Variants in GOLGA6L9 observed in about 807,000 individuals in gnomAD.
GOLGA6L9 encodes the protein golgin A6 family like 9.
Under a neutral mutation model 51.3 loss-of-function variants are expected in GOLGA6L9, and 19 were observed. The observed-to-expected ratio is 0.37, with a 90% confidence interval of 0.26 to 0.54. The LOEUF is 0.54. GOLGA6L9 is among the 20% of genes least tolerant of loss of function. The pLI, the probability that GOLGA6L9 is intolerant of heterozygous loss-of-function variation, is 0.83. For synonymous variants in GOLGA6L9, 97 were observed against 184.2 expected (o/e 0.53, Z 3.83); for missense variants, 247 against 464.1 (o/e 0.53, Z 4.30).
At chr15:82,417,409 TCG>T in the GOLGA6L9 span, among the ~76,000 whole-genome samples, 1 of 152,196 alleles carries the variant, frequency 6.6e-6, no homozygotes, top group African/African-American at 2.4e-5. Context: ...AGTAGTAGAG[TCG>T]ACCACTTTTA....
chr15:82,418,335 G>A, the GOLGA6L9 span, among the ~76,000 whole-genome samples: 1 of 152,166 alleles, frequency 6.6e-6, no homozygotes, highest in African/African-American at 2.4e-5. Context: ...GTAGGAAGCA[G>A]AAGGAATCTC....
chr15:82,424,303 C>A, the GOLGA6L9 span, among the ~76,000 whole-genome samples: 1 of 151,922 alleles, frequency 6.6e-6, no homozygotes, highest in African/African-American at 2.4e-5. Context: ...AACTACTGAT[C>A]TGAGGTGATC....
chr15:82,436,392 T>TAA lies in GOLGA6L9; in HGVS notation c.1282_1283dup (p.Asn428LysfsTer13). On this transcript the variant is annotated frameshift_variant, in exon 9 of 9. Transcript: ENST00000618348. LOFTEE classifies it high-confidence loss of function. Reference sequence around the variant, plus strand: ...TTTCGGGCTGCCGAGAACAGGGAGCTAAACATCACCATCATCTAAGAGCGG... The same window carrying TAA: ...TTTCGGGCTGCCGAGAACAGGGAGCTAAAAACATCACCATCATCTAAGAGCGG... 6.3e-7 allele frequency: 1 copy of TAA among 1,593,010 alleles called. No homozygotes were observed. The highest frequency in any genetic ancestry group is 2.3e-5 in the East Asian group (1 of 44,314).
At chr15:82,420,936 G>C in the GOLGA6L9 span, among the ~76,000 whole-genome samples, 1 of 136,270 alleles carries the variant, frequency 7.3e-6, no homozygotes, top group South Asian at 2.7e-4. Flanking sequence ...GGGAATGGTA[G>C]TTGAGCTAAA....
Position 82,436,361 on chromosome 15 carries a change from C to T in GOLGA6L9, c.1249C>T (p.His417Tyr). Reference sequence around the variant, plus strand: ...AGGAGGAGCAGGAGAGGCTGCATGCCATTCTTTTCGGGCTGCCGAGAACAG... The same window carrying T: ...AGGAGGAGCAGGAGAGGCTGCATGCTATTCTTTTCGGGCTGCCGAGAACAG... ...AAGGAGEAAC[H>Y]SFRAAENREL... is the part of the protein sequence containing the mutation. The change falls in exon 9 of 9, where the codon CAT becomes TAT. Residue 417 changes from histidine (H) to tyrosine (Y), a missense_variant. His to Tyr is a moderately conservative substitution (Grantham distance 83). Transcript: ENST00000618348. The T allele has an allele frequency of 1.9e-6, 3 of 1,596,358 alleles. No individual in the cohort carries two copies. Among genetic ancestry groups the T allele is most frequent in the Non-Finnish European group, 1.7e-6 (2 of 1,177,990 alleles).
rs2031665993 is a variant in GOLGA6L9, at chr15:82,436,314, C to A, written c.1202C>A (p.Ala401Asp). Residue 401 changes from alanine (A) to aspartate (D), a missense_variant, in exon 9 of 9, where the codon GCT (alanine) becomes GAT (aspartate). By Grantham distance (126) the Ala-to-Asp change is moderately radical (BLOSUM62 -2). Around this residue, in one of 9 missense-constraint regions of GOLGA6L9, gnomAD observed 12 missense variants for 89.4 expected, o/e 0.13. Coordinates refer to ENST00000618348, the MANE Select transcript of GOLGA6L9 (RefSeq NM_198181.4). ...PQEHPGLSGE[A>D]VGTGEAAGGA... ...GAGCACCCAGGCTTGAGTGGAGAAG[C>A]TGTTGGTACAGGAGAGGCGGCAGGA... 4.4e-6 allele frequency: 7 copies of A among 1,588,680 alleles called. No homozygotes were observed. The South Asian group carries it at 7.8e-5, about 18-fold the overall frequency.
chr15:82,428,982 A>T (rs1190651846), upstream of GOLGA6L9, among the ~76,000 whole-genome samples: 1 of 152,138 alleles, frequency 6.6e-6, no homozygotes. Context: ...TTCTAGAAAA[A>T]TGGGCCTTGT....
intron 2 of GOLGA6L9, 62 bp from the exon 3 acceptor site, chr15:82,432,510 T>G: frequency 6.3e-7 from 1 of 1,578,416 alleles, no homozygotes; most frequent in South Asian, 1.1e-5. Flanking sequence ...AGAAAGGAAG[T>G]CAGAGGGCTT....
At chr15:82,429,380 G>A (rs1388230074), upstream of GOLGA6L9, among the ~76,000 whole-genome samples, 29 of 152,196 alleles carry the variant, frequency 1.9e-4, no homozygotes, top group Non-Finnish European at 3.5e-4. Context: ...TGGCCCAAAA[G>A]CTTTGTGTTT....
In GOLGA6L9 at chr15:82,438,473, G is replaced by C. The variant is rs1282665100; in HGVS notation, c.*2062G>C. ...ACTATGACAAGTCTTTCTTCAAAGT[G>C]CATGCAGTCTTTTGCAGTACCTCAT... is the stretch of plus-strand genomic sequence containing the variant. On this transcript the variant is annotated 3_prime_UTR_variant, in exon 9 of 9. Transcript: ENST00000618348. 1 of 151,400 alleles carries C rather than the reference G, an allele frequency of 6.6e-6. No individual in the cohort carries two copies. The highest frequency in any genetic ancestry group is 2.4e-5 in the African/African-American group (1 of 41,248). 9.4% of individuals were successfully genotyped at this position (151,400 alleles called of 1,614,324 possible). A position where few individuals can be genotyped will look rare whatever the true frequency, so the allele number is the denominator to read the frequency against.
rs1202652559 is a variant in GOLGA6L9, at chr15:82,429,829, T to C, written c.-251T>C. Among the ~76,000 whole-genome samples the C allele has an allele frequency of 6.7e-3, 1,018 of 152,190 alleles. 11 individuals carry two copies. The highest frequency in any genetic ancestry group is 0.023 in the African/African-American group (952 of 41,502). On this transcript the variant is annotated 5_prime_UTR_variant, in exon 1 of 9. Transcript: ENST00000618348. ...CAGAGTGGGCGGCCTCTCCCCTCTCTCTGAGTGGGCGGGGACAGCGGTTGC... is the reference window on the plus strand; with the variant it reads ...CAGAGTGGGCGGCCTCTCCCCTCTCCCTGAGTGGGCGGGGACAGCGGTTGC...
chr15:82,432,565 C>T lies in GOLGA6L9; in HGVS notation c.205-7C>T. On this transcript the variant is annotated splice_region_variant and splice_polypyrimidine_tract_variant and intron_variant, in intron 2 of 8. Coordinates refer to ENST00000618348, the MANE Select transcript of GOLGA6L9 (RefSeq NM_198181.4). ...AACATCTCCATGTGCACTCTCATCT[C>T]TTGGAGTCAGCAACAGGTATCTACG... The T allele has an allele frequency of 6.2e-7, 1 of 1,602,782 alleles. No individual in the cohort carries two copies. Among genetic ancestry groups the T allele is most frequent in the Non-Finnish European group, 8.5e-7 (1 of 1,179,504 alleles).
chr15:82,418,765 C>A, the GOLGA6L9 span: 1 of 152,174 alleles, frequency 6.6e-6, no homozygotes, highest in East Asian at 1.9e-4. Context: ...AACCATGAAA[C>A]CGTGCAGATG....
In GOLGA6L9 at chr15:82,436,494, T is replaced by A. The variant is rs1222681171; in HGVS notation, c.*83T>A. ...ACAATTCATTTACTTCATTTGAATG[T>A]TAGAGCCACTTATGTTTGTGTTTCT... On this transcript the variant is annotated 3_prime_UTR_variant, in exon 9 of 9. Transcript: ENST00000618348. 45 of 1,524,026 alleles carry A rather than the reference T, an allele frequency of 3.0e-5. 1 individual carries two copies. Among genetic ancestry groups the A allele is most frequent in the Non-Finnish European group, 3.8e-5 (43 of 1,131,610 alleles). The allele number at this position is 1,524,026 out of a possible 1,614,324, so 94.4% of individuals were successfully genotyped here.
upstream of GOLGA6L9, among the ~76,000 whole-genome samples, chr15:82,429,041 T>G (rs1170556585): frequency 6.6e-6 from 1 of 152,146 alleles, no homozygotes; most frequent in Non-Finnish European, 1.5e-5. Context: ...AAATTGTAAG[T>G]TTTGTGTTCC....
At chr15:82,424,362 A>G in the GOLGA6L9 span, among the ~76,000 whole-genome samples, 1 of 152,014 alleles carries the variant, frequency 6.6e-6, no homozygotes, top group Admixed American at 6.6e-5. Flanking sequence ...ATGAGCCACC[A>G]TGCCCGGCTT....
In GOLGA6L9 at chr15:82,436,453, G is replaced by C. The variant is rs2031680499; in HGVS notation, c.*42G>C. The stretch of plus-strand genomic sequence containing the variant: ...TGAAAAAAAAAAACAAAACATTTAA[G>C]GGGTTAATATCCTACACAATTCATT... On this transcript the variant is annotated 3_prime_UTR_variant, in exon 9 of 9. Transcript: ENST00000618348. The C allele has an allele frequency of 1.3e-6, 2 of 1,523,060 alleles. No homozygotes were observed. Among genetic ancestry groups the C allele is most frequent in the African/African-American group, 2.7e-5 (2 of 73,402 alleles). 94.3% of individuals were successfully genotyped at this position (1,523,060 alleles called of 1,614,324 possible). A position where few individuals can be genotyped will look rare whatever the true frequency, so the allele number is the denominator to read the frequency against.
chr15:82,417,877 T>G, the GOLGA6L9 span, among the ~76,000 whole-genome samples: 1 of 152,260 alleles, frequency 6.6e-6, no homozygotes, highest in Admixed American at 6.5e-5. Flanking sequence ...CAATACTCTC[T>G]TAGCCCAGTG....
chr15:82,433,731 G>A (rs2031521568), intron 5 of GOLGA6L9, 82 bp downstream of exon 5: 1 of 609,598 alleles, frequency 1.6e-6, no homozygotes, highest in African/African-American at 2.6e-5. Flanking sequence ...CAGGGAGGTG[G>A]GTGGATGGAA....
Sources: allele counts gnomAD v4.1 joint callset (sites outside exome capture counted in the v4.1 genomes callset), GRCh38; gene constraint gnomAD v4.1.1; regional missense constraint gnomAD v4.1.1; transcripts MANE v1.5; gene names NCBI Gene and HGNC (gene_info 2026-07-23, HGNC 2026-07-21).